Variants in ZNF652 observed in about 807,000 individuals in gnomAD.
The protein encoded by ZNF652 is zinc finger protein 652.
Under a neutral mutation model 45.2 loss-of-function variants are expected in ZNF652, and 16 were observed. That is an observed-to-expected ratio of 0.35 (90% CI 0.24 to 0.54). ZNF652 has a LOEUF of 0.54. Ranked by LOEUF, ZNF652 falls within the 20% of genes least tolerant of loss-of-function variation. The pLI is 0.91. For missense variants in ZNF652, 614 were observed against 765.6 expected, an observed-to-expected ratio of 0.80 and a Z score of 2.34; for synonymous variants, 250 against 260.6, an observed-to-expected ratio of 0.96 and a Z score of 0.39.
rs2070408102 is a variant in ZNF652 at position 49,362,224 on chromosome 17, C to G, written c.-574G>C. 6.6e-6 allele frequency: 1 copy of G among 150,608 alleles called. No homozygotes were observed. Among genetic ancestry groups the G allele is most frequent in the Non-Finnish European group, 1.5e-5 (1 of 67,230 alleles). 9.3% of individuals were successfully genotyped at this position (150,608 alleles called of 1,614,324 possible). A position where few individuals can be genotyped will look rare whatever the true frequency, so the allele number is the denominator to read the frequency against. ...GGGTGTGCGTGTGTGGATGTGTGTG[C>G]CGGAGGGGGCAGGGAGGGAGGCGAG... On this transcript the variant is annotated 5_prime_UTR_variant, in exon 1 of 6. Transcript: ENST00000430262.
Position 49,297,242 on chromosome 17 carries a change from AT to A in ZNF652, c.*1170del, listed in dbSNP as rs2069488456. The A allele has an allele frequency of 6.6e-6, 1 of 152,522 alleles. No individual in the cohort carries two copies. Among genetic ancestry groups the A allele is most frequent in the South Asian group, 2.1e-4 (1 of 4,834 alleles). 9.4% of individuals were successfully genotyped at this position (152,522 alleles called of 1,614,324 possible). On this transcript the variant is annotated 3_prime_UTR_variant, in exon 6 of 6. Coordinates refer to ENST00000430262, the MANE Select transcript of ZNF652 (RefSeq NM_001145365.3). ...AGCTTCTTATAACAATTCTAGAAAAATAAAGCAACCTCAAAATGAGCGATTT... is the reference window on the plus strand; with the variant it reads ...AGCTTCTTATAACAATTCTAGAAAAAAAAGCAACCTCAAAATGAGCGATTT...
At chr17:49,310,801 C>T (rs1352784736) in intron 5 of ZNF652, among the ~76,000 whole-genome samples, 1 of 152,096 alleles carries the variant, frequency 6.6e-6, no homozygotes, top group African/African-American at 2.4e-5. Context: ...ACTTGGTAGG[C>T]TAAGGTGGGA....
intron 5 of ZNF652, among the ~76,000 whole-genome samples, chr17:49,299,730 G>A (rs921771197): frequency 2.6e-5 from 4 of 152,012 alleles, no homozygotes; most frequent in Non-Finnish European, 4.4e-5. Context: ...GGGCTGGGGT[G>A]CAGTGGTGTG....
In ZNF652 at chr17:49,317,747, A is replaced by G. The variant is rs1394194737; in HGVS notation, c.-22T>C. 6 of 1,553,718 alleles carry G rather than the reference A, an allele frequency of 3.9e-6. No homozygotes were observed. Among genetic ancestry groups the G allele is most frequent in the Non-Finnish European group, 8.7e-7 (1 of 1,148,038 alleles). ...TCATTGGTAAGTGGCCCAATTTATT[A>G]AACAGTTCAGACTATAAAGAAATAG... On this transcript the variant is annotated 5_prime_UTR_variant, in exon 2 of 6. Coordinates refer to ENST00000430262, the MANE Select transcript of ZNF652 (RefSeq NM_001145365.3).
At chr17:49,359,343 TA>T (rs1167545330) in intron 1 of ZNF652, among the ~76,000 whole-genome samples, 1 of 152,170 alleles carries the variant, frequency 6.6e-6, no homozygotes, top group African/African-American at 2.4e-5. Flanking sequence ...CTTTCAAACT[TA>T]TAGGGTATGC....
At chr17:49,319,658 A>C (rs1054445020) in intron 1 of ZNF652, among the ~76,000 whole-genome samples, 14 of 150,494 alleles carry the variant, frequency 9.3e-5, no homozygotes, top group African/African-American at 3.4e-4. Flanking sequence ...AAAAAAAAAA[A>C]AAAGACAGGG....
chr17:49,319,577 G>A (rs568454789), intron 1 of ZNF652, among the ~76,000 whole-genome samples: 5 of 143,952 alleles, frequency 3.5e-5, no homozygotes, highest in African/African-American at 1.0e-4. Context: ...AGATTGTAAT[G>A]AGCTGAGATC....
intron 1 of ZNF652, among the ~76,000 whole-genome samples, chr17:49,338,145 ATTT>A (rs772870388): frequency 2.1e-5 from 3 of 142,428 alleles, no homozygotes; most frequent in Non-Finnish European, 3.1e-5. Flanking sequence ...TGCCTGGCTA[ATTT>A]TTTTTTTTTT....
rs1567698709 is a variant in ZNF652, at chr17:49,347,735, G to GTTTTTTTTTTTTTTTTTT, written c.-259+14173_-259+14174insAAAAAAAAAAAAAAAAAA. Among the ~76,000 whole-genome samples, 3 of 124,410 alleles carry GTTTTTTTTTTTTTTTTTT rather than the reference G, an allele frequency of 2.4e-5. 1 individual carries two copies. 81.6% of individuals were successfully genotyped at this position (124,410 alleles called of 152,430 possible). ...TGCCTGCAAGAAAAATTGAACCTTG[G>GTTTTTTTTTTTTTTTTTT]TTTTGTTTTTTTTTTTTTTTTTTTT... On this transcript the variant is annotated intron_variant, in intron 1 of 5. Coordinates refer to ENST00000430262, the MANE Select transcript of ZNF652 (RefSeq NM_001145365.3).
chr17:49,319,626 A>G (rs1423215734), intron 1 of ZNF652, among the ~76,000 whole-genome samples: 1 of 117,762 alleles, frequency 8.5e-6, no homozygotes, highest in Non-Finnish European at 1.6e-5. Context: ...AGCTAGCTAG[A>G]CTCTGTCTCA....
intron 1 of ZNF652, among the ~76,000 whole-genome samples, chr17:49,359,973 T>C (rs2070375636): frequency 6.6e-6 from 1 of 152,208 alleles, no homozygotes; most frequent in South Asian, 2.1e-4. Flanking sequence ...GGATAGGCAT[T>C]ATAAAACAGA....
intron 1 of ZNF652, among the ~76,000 whole-genome samples, chr17:49,324,733 AC>A (rs2069937674): frequency 9.1e-6 from 1 of 109,510 alleles, no homozygotes; most frequent in South Asian, 2.9e-4. Context: ...CTGGGGTAGC[AC>A]TTTTTTTTTT....
rs2069395422 is a variant in ZNF652, at chr17:49,290,765, A to C, written c.*7648T>G. 1 of 152,220 alleles carries C rather than the reference A, an allele frequency of 6.6e-6. No homozygotes were observed. The highest frequency in any genetic ancestry group is 2.4e-5 in the African/African-American group (1 of 41,452). 9.4% of individuals were successfully genotyped at this position (152,220 alleles called of 1,614,324 possible). On this transcript the variant is annotated 3_prime_UTR_variant, in exon 6 of 6. Coordinates refer to ENST00000430262, the MANE Select transcript of ZNF652 (RefSeq NM_001145365.3). ...TGCTTGGCATCATGAGGGATGAACG[A>C]CGACTGGACTTTGTAATAAGGGAAA... is the stretch of plus-strand genomic sequence containing the variant.
At chr17:49,308,982 A>T (rs2143753234) in intron 5 of ZNF652, among the ~76,000 whole-genome samples, 1 of 152,212 alleles carries the variant, frequency 6.6e-6, no homozygotes. Flanking sequence ...TTAAGGGTCT[A>T]AAAAAATGAC....
At position 49,311,972 on chromosome 17, in the gene ZNF652, C is replaced by T; in HGVS notation, c.1119G>A (p.Lys373=). ...GKSFKRSMSL[K]VHSLQHSGEK... ...CTCCAGAATGCTGCAAGGAGTGCACCTTGAGTGACATACTGCGTTTGAATG... is the reference window on the plus strand; with the variant it reads ...CTCCAGAATGCTGCAAGGAGTGCACTTTGAGTGACATACTGCGTTTGAATG... Residue 373 remains lysine, a synonymous_variant, in exon 4 of 6, where the codon AAG becomes AAA. Transcript: ENST00000430262. 4 of 1,613,874 alleles carry T rather than the reference C, an allele frequency of 2.5e-6. No individual in the cohort carries two copies. The highest frequency in any genetic ancestry group is 3.4e-6 in the Non-Finnish European group (4 of 1,179,852).
chr17:49,291,238 C>T lies in ZNF652; in HGVS notation c.*7175G>A, dbSNP rs1216199843. The T allele has an allele frequency of 6.6e-6, 1 of 152,196 alleles. No individual in the cohort carries two copies. The highest frequency in any genetic ancestry group is 1.5e-5 in the Non-Finnish European group (1 of 68,030). The allele number at this position is 152,196 out of a possible 1,614,324, so 9.4% of individuals were successfully genotyped here. On this transcript the variant is annotated 3_prime_UTR_variant, in exon 6 of 6. Coordinates refer to ENST00000430262, the MANE Select transcript of ZNF652 (RefSeq NM_001145365.3). The stretch of plus-strand genomic sequence containing the variant: ...TCCTGTACAGGATGTCTATCATGCT[C>T]ATCAGACGGTCCCTTTTCACCCATA...
chr17:49,322,871 C>G (rs2069912505), intron 1 of ZNF652, among the ~76,000 whole-genome samples: 1 of 152,088 alleles, frequency 6.6e-6, no homozygotes, highest in African/African-American at 2.4e-5. Flanking sequence ...GGTGACAGAG[C>G]AAGACTCCGT....
chr17:49,336,772 G>A (rs1405917721), intron 1 of ZNF652, among the ~76,000 whole-genome samples: 2 of 151,492 alleles, frequency 1.3e-5, no homozygotes, highest in South Asian at 2.1e-4. Flanking sequence ...GATTACAGGC[G>A]CATGCTACCA....
Position 49,294,332 on chromosome 17 carries a change from G to A in ZNF652, c.*4081C>T, listed in dbSNP as rs1490402748. On this transcript the variant is annotated 3_prime_UTR_variant, in exon 6 of 6. Coordinates refer to ENST00000430262, the MANE Select transcript of ZNF652 (RefSeq NM_001145365.3). ...ATGATGTAATTATGGTAATGGCCAT[G>A]CTTAGTCATTAATCTAGAACAGTTA... is the stretch of plus-strand genomic sequence containing the variant. Among the ~76,000 whole-genome samples, 1 of 152,214 alleles carries A rather than the reference G, an allele frequency of 6.6e-6. No individual in the cohort carries two copies. Among genetic ancestry groups the A allele is most frequent in the East Asian group, 1.9e-4 (1 of 5,200 alleles).
Sources: allele counts gnomAD v4.1 joint callset (sites outside exome capture counted in the v4.1 genomes callset), GRCh38; gene constraint gnomAD v4.1.1; transcripts MANE v1.5; gene names NCBI Gene and HGNC (gene_info 2026-07-23, HGNC 2026-07-21).